BMS1: variants seen among roughly 807,000 people sequenced by gnomAD.
BMS1 encodes BMS1 ribosome biogenesis factor, also known as ribosome biogenesis protein BMS1 homolog.
BMS1 carries 53 observed loss-of-function variants against 138.7 expected under a neutral mutation model. That is an observed-to-expected ratio of 0.38 (90% CI 0.31 to 0.48). The LOEUF is 0.48. Ranked by LOEUF, BMS1 falls within the 20% of genes least tolerant of loss-of-function variation. The pLI, the probability that BMS1 is intolerant of heterozygous loss-of-function variation, is 0.97. For synonymous variants in BMS1, 504 were observed against 539.9 expected (o/e 0.93, Z 0.92); for missense variants, 1,360 against 1,565.5 (o/e 0.87, Z 2.22).
In BMS1 at chr10:42,820,924, T is replaced by C; in HGVS notation, c.2951-10T>C. 6.2e-7 allele frequency: 1 copy of C among 1,604,752 alleles called. No homozygotes were observed. Among genetic ancestry groups the C allele is most frequent in the South Asian group, 1.1e-5 (1 of 90,840 alleles). ...GTTCGCTATATTTCTTTTTTTCCTT[T>C]TCCTTTAAGGCCCTATCACTCCACA... On this transcript the variant is annotated splice_polypyrimidine_tract_variant and intron_variant, in intron 17 of 22. Transcript: ENST00000374518.
chr10:42,816,549 G>C, intron 13 of BMS1, 50 bp from the exon 14 acceptor site: 1 of 1,495,438 alleles, frequency 6.7e-7, no homozygotes. Flanking sequence ...GGGGCCAGCA[G>C]CACATGCATA....
rs976305555 is a variant in BMS1 at position 42,798,663 on chromosome 10, A to T, written c.2247+38A>T. On this transcript the variant is annotated intron_variant, in intron 12 of 22. Transcript: ENST00000374518. ...AGTACATTTGATTTATTAGAGAATT[A>T]GCGAATTGTTCTAGAATAAGATTAT... The T allele has an allele frequency of 3.7e-6, 6 of 1,606,686 alleles. No individual in the cohort carries two copies. The African/African-American group carries it at 8.0e-5, about 22-fold the overall frequency.
At position 42,795,486 on chromosome 10, in the gene BMS1, A is replaced by AT. The variant is rs1271189743; in HGVS notation, c.1230-973dup. ...AGGAGTGCGCCACCACTCCTAGCTA[A>AT]TTTTTTTTTTTTTTTCTAGAGATTA... On this transcript the variant is annotated intron_variant, in intron 9 of 22. Transcript: ENST00000374518. 5.9e-3 allele frequency among the ~76,000 whole-genome samples: 829 copies of AT among 140,408 alleles called. 5 individuals are homozygous for AT. The highest frequency in any genetic ancestry group is 0.015 in the Middle Eastern group (4 of 264). 92.1% of individuals were successfully genotyped at this position (140,408 alleles called of 152,430 possible).
chr10:42,797,097 C>T lies in BMS1; in HGVS notation c.1853C>T (p.Ser618Leu), dbSNP rs1207413068. The T allele has an allele frequency of 6.2e-6, 10 of 1,614,082 alleles. No homozygotes were observed. The highest frequency in any genetic ancestry group is 8.5e-6 in the Non-Finnish European group (10 of 1,180,042). ...GAAGAGGCTATTAGAAAAAAGCTTTCAAAGCCTTCTCAAGTGAGCAGTGGT... is the reference window on the plus strand; with the variant it reads ...GAAGAGGCTATTAGAAAAAAGCTTTTAAAGCCTTCTCAAGTGAGCAGTGGT... ...ENEEAIRKKL[S>L]KPSQVSSGQK... The change falls in exon 10 of 23, where the codon TCA becomes TTA. Residue 618 changes from serine (S) to leucine (L), a missense_variant. Ser to Leu is a moderately radical substitution (Grantham distance 145). Around this residue, in one of 3 missense-constraint regions of BMS1, gnomAD observed 697 missense variants for 686.2 expected, o/e 1.02. Transcript: ENST00000374518.
At chr10:42,806,460 G>A (rs2132340669) in intron 13 of BMS1, among the ~76,000 whole-genome samples, 1 of 152,296 alleles carries the variant, frequency 6.6e-6, no homozygotes. Context: ...TTTCTGGCTG[G>A]GCACAGTGGC....
chr10:42,826,347 G>T (rs1377245704), intron 21 of BMS1, among the ~76,000 whole-genome samples: 2 of 150,740 alleles, frequency 1.3e-5, no homozygotes, highest in African/African-American at 4.9e-5. Flanking sequence ...ATTTCCTCTT[G>T]CTCTATTTTT....
At chr10:42,798,349 C>G in intron 11 of BMS1, 119 bp from the exon 12 acceptor site, 2 of 1,288,520 alleles carry the variant, frequency 1.6e-6, no homozygotes. Context: ...CCATACCCAC[C>G]ACAGACAGAG....
At chr10:42,808,392 G>T (rs369236681) in intron 13 of BMS1, among the ~76,000 whole-genome samples, 10 of 151,592 alleles carry the variant, frequency 6.6e-5, no homozygotes, top group African/African-American at 2.2e-4. Flanking sequence ...TCTGTCCCCC[G>T]GGTTCATGCC....
rs1198234400 is a variant in BMS1 at position 42,830,246 on chromosome 10, TG to T, written c.3457-14del. The T allele has an allele frequency of 6.2e-7, 1 of 1,608,732 alleles. No individual in the cohort carries two copies. Among genetic ancestry groups the T allele is most frequent in the Non-Finnish European group, 8.5e-7 (1 of 1,178,758 alleles). On this transcript the variant is annotated splice_polypyrimidine_tract_variant and intron_variant, in intron 21 of 22. Transcript: ENST00000374518. ...CATAATTTGAATATGTCACAGTCTTTGTTTTTCTTTTCAGCCAATCCTGAGG... is the reference window on the plus strand; with the variant it reads ...CATAATTTGAATATGTCACAGTCTTTTTTTTCTTTTCAGCCAATCCTGAGG...
At chr10:42,819,224 T>A (rs917858492) in intron 15 of BMS1, among the ~76,000 whole-genome samples, 1 of 152,146 alleles carries the variant, frequency 6.6e-6, no homozygotes, top group African/African-American at 2.4e-5. Flanking sequence ...TGGTGTCTAG[T>A]GAGCAAGTGA....
At chr10:42,811,443 A>G (rs566517918) in intron 13 of BMS1, among the ~76,000 whole-genome samples, 2 of 151,170 alleles carry the variant, frequency 1.3e-5, no homozygotes, top group East Asian at 3.9e-4. Flanking sequence ...CTCATTTCTA[A>G]TGTGAGCATT....
intron 4 of BMS1, among the ~76,000 whole-genome samples, chr10:42,787,982 G>A (rs746241328): frequency 5.3e-5 from 8 of 152,206 alleles, no homozygotes; most frequent in Non-Finnish European, 1.0e-4. Flanking sequence ...TGATTAGGAA[G>A]TGTGGGGTGA....
intron 4 of BMS1, among the ~76,000 whole-genome samples, chr10:42,788,539 A>G (rs1418877658): frequency 6.6e-6 from 1 of 152,078 alleles, no homozygotes; most frequent in Non-Finnish European, 1.5e-5. Flanking sequence ...TCTGAATTAT[A>G]TAATAAATTA....
At position 42,816,340 on chromosome 10, in the gene BMS1, A is replaced by G. The variant is rs143414562; in HGVS notation, c.2330-259A>G. Among the ~76,000 whole-genome samples the G allele has an allele frequency of 5.3e-3, 812 of 152,270 alleles. 2 individuals carry two copies. The highest frequency in any genetic ancestry group is 6.9e-3 in the Non-Finnish European group (467 of 68,004). On this transcript the variant is annotated intron_variant, in intron 13 of 22. Coordinates refer to ENST00000374518, the MANE Select transcript of BMS1 (RefSeq NM_014753.4). Reference sequence around the variant, plus strand: ...AAACAAAAGAGTGTCCATTGTGTATACTGGAAAAATTGAGATTGGGATTTT... The same window carrying G: ...AAACAAAAGAGTGTCCATTGTGTATGCTGGAAAAATTGAGATTGGGATTTT...
Position 42,793,034 on chromosome 10 carries a change from T to A in BMS1, c.979T>A (p.Cys327Ser). The A allele has an allele frequency of 6.2e-7, 1 of 1,614,146 alleles. No homozygotes were observed. Among genetic ancestry groups the A allele is most frequent in the Admixed American group, 1.7e-5 (1 of 60,018 alleles). Residue 327 changes from cysteine (C) to serine (S), a missense_variant, in exon 8 of 23, where the codon TGT becomes AGT. Coordinates refer to ENST00000374518, the MANE Select transcript of BMS1 (RefSeq NM_014753.4). Reference sequence around the variant, plus strand: ...TCTTCCTGAACAACAAAAGAAGCGCTGTTTAAATGAGAAGGAGAAGCTGGT... The same window carrying A: ...TCTTCCTGAACAACAAAAGAAGCGCAGTTTAAATGAGAAGGAGAAGCTGGT... ...CALPEQQKKR[C>S]LNEKEKLVYA...
At chr10:42,810,661 A>G (rs976023252) in intron 13 of BMS1, among the ~76,000 whole-genome samples, 1 of 152,106 alleles carries the variant, frequency 6.6e-6, no homozygotes, top group African/African-American at 2.4e-5. Context: ...CTTAATTACA[A>G]ATTTTATTTC....
At chr10:42,830,163 T>A in intron 21 of BMS1, 98 bp from the exon 22 acceptor site, 2 of 1,390,244 alleles carry the variant, frequency 1.4e-6, no homozygotes, top group Non-Finnish European at 2.0e-6. Context: ...TTACTAATCT[T>A]GTGGAAAAGT....
intron 13 of BMS1, among the ~76,000 whole-genome samples, chr10:42,806,473 A>T (rs1173289699): frequency 6.6e-6 from 1 of 152,214 alleles, no homozygotes; most frequent in East Asian, 1.9e-4. Context: ...ACAGTGGCTG[A>T]CGCCTATAAT....
Position 42,793,888 on chromosome 10 carries a change from C to A in BMS1, c.1126C>A (p.Leu376Ile), listed in dbSNP as rs745939124. 1.1e-5 allele frequency: 18 copies of A among 1,611,704 alleles called. No homozygotes were observed. In the South Asian group the frequency reaches 1.5e-4, roughly 14 times the overall value. Residue 376 changes from leucine (L) to isoleucine (I), a missense_variant, in exon 9 of 23, where the codon CTC (leucine) becomes ATC (isoleucine). By Grantham distance (5) the Leu-to-Ile change is conservative. Coordinates refer to ENST00000374518, the MANE Select transcript of BMS1 (RefSeq NM_014753.4). ...GCCCACCCATGAGCTGGTCCAGAGT[C>A]TCATCTCTACCCACTCCACCATTGA... ...VGPTHELVQSLISTHSTIDAK... is the reference protein window; with the variant it reads ...VGPTHELVQSIISTHSTIDAK...
Sources: gnomAD v4.1 joint callset for allele counts (sites outside exome capture counted in the v4.1 genomes callset) on GRCh38, gnomAD v4.1.1 for gene constraint, gnomAD v4.1.1 regional missense constraint, MANE v1.5 for transcripts, NCBI Gene and HGNC (gene_info 2026-07-23, HGNC 2026-07-21) for gene names.